Variants in TRIM5 observed in about 807,000 individuals in gnomAD.
TRIM5 encodes tripartite motif-containing protein 5.
In TRIM5, 31 loss-of-function variants were observed where a neutral mutation model predicts 35.6. The observed-to-expected ratio is 0.87, with a 90% CI of 0.65 to 1.18. The LOEUF is 1.18. Among genes scored for constraint, TRIM5 ranks in the 50% most tolerant of loss-of-function variants. The probability of loss-of-function intolerance (pLI) is 0.00; values close to 1 mark genes in which losing one functional copy is unlikely to be tolerated. For missense variants in TRIM5, 609 were observed against 591.6 expected, an observed-to-expected ratio of 1.03 and a Z score of -0.31; for synonymous variants, 243 against 215.6, an observed-to-expected ratio of 1.13 and a Z score of -1.11.
intron 4 of TRIM5, among the ~76,000 whole-genome samples, chr11:5,677,493 T>C (rs1439741210): frequency 1.3e-5 from 2 of 152,220 alleles, no homozygotes; most frequent in Admixed American, 6.5e-5. Context: ...GGAACACTTT[T>C]ACACTGTTGG....
intron 1 of TRIM5, among the ~76,000 whole-genome samples, chr11:5,681,077 C>T (rs771452220): frequency 6.6e-6 from 1 of 152,040 alleles, no homozygotes; most frequent in African/African-American, 2.4e-5. Flanking sequence ...TTTATTGGAG[C>T]CTAAAGGTGT....
the TRIM5 span, among the ~76,000 whole-genome samples, chr11:5,613,111 AGAG>A: frequency 1.3e-5 from 2 of 152,248 alleles, no homozygotes; most frequent in Non-Finnish European, 2.9e-5. Flanking sequence ...CTCAGGATAC[AGAG>A]GAGGTTTCAA....
chr11:5,670,379 T>A (rs113494111), intron 4 of TRIM5, among the ~76,000 whole-genome samples: 1 of 150,688 alleles, frequency 6.6e-6, no homozygotes, highest in African/African-American at 2.5e-5. Flanking sequence ...TAGAGATGGG[T>A]TTTCACCGTG....
At chr11:5,645,910 T>TAG in the TRIM5 span, 3 of 163,378 alleles carry the variant, frequency 1.8e-5, no homozygotes, top group African/African-American at 8.3e-5. Context: ...TATATAGATA[T>TAG]ATATAGATAT....
intron 4 of TRIM5, among the ~76,000 whole-genome samples, chr11:5,671,321 A>AG (rs1851576252): frequency 6.6e-6 from 1 of 151,442 alleles, no homozygotes; most frequent in African/African-American, 2.4e-5. Context: ...AAAACACAAA[A>AG]AAACCCCACA....
chr11:5,596,802 C>T, the TRIM5 span: 1 of 1,599,162 alleles, frequency 6.3e-7, no homozygotes, highest in East Asian at 2.2e-5. Flanking sequence ...GCGCTCTGTT[C>T]CTTAAGATTA....
the TRIM5 span, among the ~76,000 whole-genome samples, chr11:5,657,703 TATAA>T: frequency 7.7e-6 from 1 of 130,682 alleles, no homozygotes; most frequent in African/African-American, 3.0e-5. Context: ...ATATAATATA[TATAA>T]ATATATATAT....
At chr11:5,657,529 TATTA>T in the TRIM5 span, among the ~76,000 whole-genome samples, 1 of 133,002 alleles carries the variant, frequency 7.5e-6, no homozygotes, top group East Asian at 2.2e-4. Context: ...GCATTATATA[TATTA>T]TTTATATATT....
Position 5,664,654 on chromosome 11 carries a change from A to T in TRIM5, c.*155T>A, listed in dbSNP as rs912924249. 7.2e-7 allele frequency: 1 copy of T among 1,393,584 alleles called. No individual in the cohort carries two copies. The highest frequency in any genetic ancestry group is 9.3e-7 in the Non-Finnish European group (1 of 1,079,000). The allele number at this position is 1,393,584 out of a possible 1,614,324, so 86.3% of individuals were successfully genotyped here. ...TATTGGGGACAATATGGCACAAGGCAATTATTACATTTTACTGATGAGTGA... is the reference window on the plus strand; with the variant it reads ...TATTGGGGACAATATGGCACAAGGCTATTATTACATTTTACTGATGAGTGA... On this transcript the variant is annotated 3_prime_UTR_variant, in exon 8 of 8. Transcript: ENST00000380034.
At chr11:5,630,029 A>G in the TRIM5 span, among the ~76,000 whole-genome samples, 22 of 152,220 alleles carry the variant, frequency 1.4e-4, no homozygotes, top group Admixed American at 1.1e-3. Flanking sequence ...TTACGGTGGT[A>G]CAAGACCATG....
At chr11:5,624,204 G>C in the TRIM5 span, among the ~76,000 whole-genome samples, 5 of 152,084 alleles carry the variant, frequency 3.3e-5, no homozygotes, top group Admixed American at 2.0e-4. Context: ...TCAGATTCGC[G>C]TAAAAATTAC....
At chr11:5,662,362 T>G (rs566985481), downstream of TRIM5, among the ~76,000 whole-genome samples, 1 of 152,278 alleles carries the variant, frequency 6.6e-6, no homozygotes, top group East Asian at 1.9e-4. Flanking sequence ...TTCATAAACA[T>G]CCGTTGCAAA....
At chr11:5,620,422 C>A in the TRIM5 span, among the ~76,000 whole-genome samples, 1 of 151,520 alleles carries the variant, frequency 6.6e-6, no homozygotes. Context: ...AGACTGGACT[C>A]TAACTCCTGA....
At chr11:5,592,699 T>G in the TRIM5 span, among the ~76,000 whole-genome samples, 1 of 152,160 alleles carries the variant, frequency 6.6e-6, no homozygotes, top group East Asian at 1.9e-4. Context: ...GGTGGATCGC[T>G]TGAGTCCAGG....
the TRIM5 span, chr11:5,619,920 A>C: frequency 0.069 from 10,324 of 150,332 alleles, 1,091 homozygotes; most frequent in African/African-American, 0.23. Context: ...GGCTGGTCTC[A>C]AACTCCTGAC....
chr11:5,625,465 G>A, the TRIM5 span, among the ~76,000 whole-genome samples: 6 of 152,296 alleles, frequency 3.9e-5, no homozygotes, highest in South Asian at 1.2e-3. Flanking sequence ...AGAAGTTGGT[G>A]AAAGGAGGTC....
At chr11:5,638,714 G>C in the TRIM5 span, among the ~76,000 whole-genome samples, 2 of 152,182 alleles carry the variant, frequency 1.3e-5, no homozygotes, top group Non-Finnish European at 2.9e-5. Context: ...TTATGTTTTA[G>C]ATATTCTTAG....
At chr11:5,606,202 C>T in the TRIM5 span, among the ~76,000 whole-genome samples, 1 of 152,200 alleles carries the variant, frequency 6.6e-6, no homozygotes. Flanking sequence ...TGTTTTCACT[C>T]TCTTCTCTAG....
At chr11:5,610,621 C>T in the TRIM5 span, 1 of 1,589,420 alleles carries the variant, frequency 6.3e-7, no homozygotes, top group Non-Finnish European at 8.6e-7. Flanking sequence ...CACATGCCCT[C>T]CCCAGACATA....
Sources: gnomAD v4.1 joint callset for allele counts (sites outside exome capture counted in the v4.1 genomes callset) on GRCh38, gnomAD v4.1.1 for gene constraint, MANE v1.5 for transcripts, NCBI Gene and HGNC (gene_info 2026-07-23, HGNC 2026-07-21) for gene names.